DNAH9: variants seen among roughly 807,000 people sequenced by gnomAD.
DNAH9 encodes dynein axonemal heavy chain 9, also known as DNAH9 variant protein.
DNAH9 carries 345 observed loss-of-function variants against 471.6 expected under a neutral mutation model. The ratio of observed to expected loss-of-function variants is 0.73; its 90% CI spans 0.67 to 0.80. The LOEUF (loss-of-function observed/expected upper bound fraction) is 0.80, where lower values mean the gene tolerates loss of function less well. Ranked by LOEUF, DNAH9 falls within the 30% of genes least tolerant of loss-of-function variation. DNAH9 has a pLI of 0.00. For missense variants in DNAH9, 5,407 were observed against 5,609.2 expected, an observed-to-expected ratio of 0.96 and a Z score of 1.15; for synonymous variants, 2,093 against 2,123.6, an observed-to-expected ratio of 0.99 and a Z score of 0.40.
intron 61 of DNAH9, among the ~76,000 whole-genome samples, chr17:11,913,781 C>CA (rs202156734): frequency 0.013 from 1,409 of 110,300 alleles, 3 homozygotes; most frequent in African/African-American, 0.019. Flanking sequence ...GACCCCGTCT[C>CA]AAAAAAAAAA....
At chr17:11,866,065 T>C (rs1223996583) in intron 50 of DNAH9, among the ~76,000 whole-genome samples, 2 of 152,244 alleles carry the variant, frequency 1.3e-5, no homozygotes, top group Non-Finnish European at 2.9e-5. Flanking sequence ...GGTGAGGAAC[T>C]GTGATCCTTT....
At chr17:11,684,619 A>G (rs959717328) in intron 19 of DNAH9, among the ~76,000 whole-genome samples, 7 of 152,164 alleles carry the variant, frequency 4.6e-5, no homozygotes, top group African/African-American at 1.7e-4. Flanking sequence ...ACCAAGACCA[A>G]GGTAATCGAG....
chr17:11,742,139 G>C (rs567949062), intron 29 of DNAH9, 36 bp from the exon 30 acceptor site: 1 of 1,610,480 alleles, frequency 6.2e-7, no homozygotes, highest in African/African-American at 1.3e-5. Flanking sequence ...ACTGTACTTG[G>C]GAAACTGACT....
chr17:11,936,533 G>A (rs1042639955), intron 65 of DNAH9, among the ~76,000 whole-genome samples: 1 of 152,164 alleles, frequency 6.6e-6, no homozygotes, highest in Non-Finnish European at 1.5e-5. Context: ...CTACTTGGGA[G>A]ACTGAGGTGG....
At chr17:11,828,365 C>T (rs539824960) in intron 48 of DNAH9, among the ~76,000 whole-genome samples, 13 of 151,298 alleles carry the variant, frequency 8.6e-5, no homozygotes, top group Non-Finnish European at 1.0e-4. Context: ...CCCAGCTACT[C>T]GGGAGGCTTA....
At chr17:11,694,479 A>G (rs981251322) in intron 22 of DNAH9, 32 bp downstream of exon 22, 5 of 1,612,378 alleles carry the variant, frequency 3.1e-6, no homozygotes, top group Non-Finnish European at 4.2e-6. Context: ...AGAAAGGTCT[A>G]GGAGGGCTGA....
intron 41 of DNAH9, among the ~76,000 whole-genome samples, chr17:11,792,434 G>A (rs1267567586): frequency 1.3e-5 from 2 of 152,198 alleles, no homozygotes; most frequent in Non-Finnish European, 2.9e-5. Context: ...ATGAGAACAA[G>A]CACAGACATA....
intron 67 of DNAH9, among the ~76,000 whole-genome samples, chr17:11,959,950 TTTTTATGTC>T (rs1257373250): frequency 8.5e-5 from 13 of 152,168 alleles, no homozygotes; most frequent in Admixed American, 5.2e-4. Flanking sequence ...AACATTGAGG[TTTTTATGTC>T]TTAAAATAGT....
At chr17:11,812,072 T>A (rs1336898610) in intron 45 of DNAH9, among the ~76,000 whole-genome samples, 1 of 113,038 alleles carries the variant, frequency 8.8e-6, no homozygotes, top group Non-Finnish European at 1.8e-5. Context: ...CATACACACA[T>A]ACATCCAAGA....
intron 9 of DNAH9, among the ~76,000 whole-genome samples, chr17:11,639,847 C>T (rs1245500633): frequency 6.6e-6 from 1 of 152,094 alleles, no homozygotes; most frequent in African/African-American, 2.4e-5. Flanking sequence ...ACTACAAATA[C>T]GAAAATTAGC....
chr17:11,735,225 G>C (rs1192598636), intron 28 of DNAH9, among the ~76,000 whole-genome samples: 1 of 152,060 alleles, frequency 6.6e-6, no homozygotes, highest in African/African-American at 2.4e-5. Context: ...GTTTTGTGAA[G>C]ATCTATCCTC....
chr17:11,713,025 A>T (rs1340415707), intron 26 of DNAH9, among the ~76,000 whole-genome samples: 3 of 152,050 alleles, frequency 2.0e-5, no homozygotes, highest in Non-Finnish European at 4.4e-5. Flanking sequence ...AGTGCCCATT[A>T]GTTATCTTTT....
chr17:11,844,999 CT>C (rs1027183588), intron 49 of DNAH9, among the ~76,000 whole-genome samples: 4,251 of 144,758 alleles, frequency 0.029, 175 homozygotes, highest in African/African-American at 0.097. Context: ...TTTTTACCAT[CT>C]TTTTTTTTTT....
chr17:11,753,289 C>T (rs1967234231), intron 33 of DNAH9, among the ~76,000 whole-genome samples: 1 of 152,178 alleles, frequency 6.6e-6, no homozygotes, highest in South Asian at 2.1e-4. Flanking sequence ...TTTTTATGCT[C>T]TTCTAGAATA....
chr17:11,699,728 T>C lies in DNAH9; in HGVS notation c.4873-3T>C, dbSNP rs148491304. ...GATCCATTGGCCTGGTTTCCCTTCA[T>C]AGGTTCAACGTCACCTTTCCAAACT... On this transcript the variant is annotated splice_polypyrimidine_tract_variant and splice_region_variant and intron_variant, in intron 22 of 68. Coordinates refer to ENST00000262442, the MANE Select transcript of DNAH9 (RefSeq NM_001372.4). 3.9e-4 allele frequency: 631 copies of C among 1,614,096 alleles called. 11 individuals are homozygous for C. The East Asian group carries it at 0.014, about 35-fold the overall frequency.
chr17:11,923,927 T>C lies in DNAH9; in HGVS notation c.11863T>C (p.Trp3955Arg). The change falls in exon 62 of 69, where the codon TGG becomes CGG. Residue 3955 changes from tryptophan to arginine, a missense_variant. Physicochemically the swap from Trp to Arg is moderately radical, Grantham distance 101. This residue lies in a region of DNAH9 where 4,636 missense variants were observed against 4,900.3 expected (regional missense o/e 0.95). Transcript: ENST00000262442. Reference protein sequence around the residue: ...ALDLAAKKGHWVILQNIHLVA... With the variant: ...ALDLAAKKGHRVILQNIHLVA... ...GGACCTCGCTGCCAAGAAAGGTCAC[T>C]GGGTTATTTTGCAGGTATGTTCCTC... is the stretch of plus-strand genomic sequence containing the variant. 1 of 1,613,994 alleles carries C rather than the reference T, an allele frequency of 6.2e-7. No individual in the cohort carries two copies. Among genetic ancestry groups the C allele is most frequent in the Non-Finnish European group, 8.5e-7 (1 of 1,179,890 alleles).
chr17:11,623,013 G>A lies in DNAH9; in HGVS notation c.1350+3232G>A, dbSNP rs1567671629. 1.6e-5 allele frequency among the ~76,000 whole-genome samples: 2 copies of A among 121,568 alleles called. No individual in the cohort carries two copies. The highest frequency in any genetic ancestry group is 6.2e-5 in the African/African-American group (2 of 32,076). The allele number at this position is 121,568 out of a possible 152,430, so 79.8% of individuals were successfully genotyped here. A position where few individuals can be genotyped will look rare whatever the true frequency, so the allele number is the denominator to read the frequency against. ...CTCGAGATGGAGTTTTGCTCTTGTT[G>A]CCCAGGCTGGAGTGCAGTGGCACAA... On this transcript the variant is annotated intron_variant, in intron 6 of 68. Coordinates refer to ENST00000262442, the MANE Select transcript of DNAH9 (RefSeq NM_001372.4). The surrounding 1 kb of genome is among the most constrained non-coding windows in gnomAD (Gnocchi z 4.1).
intron 50 of DNAH9, among the ~76,000 whole-genome samples, chr17:11,864,088 T>C (rs1227502582): frequency 6.6e-6 from 1 of 151,084 alleles, no homozygotes; most frequent in African/African-American, 2.4e-5. Flanking sequence ...TGCTCTTGCT[T>C]TTCTAGTTCT....
In DNAH9 at chr17:11,719,455, T is replaced by C. The variant is rs745675045; in HGVS notation, c.5674T>C (p.Tyr1892His). The change falls in exon 27 of 69, where the codon TAT becomes CAT. Residue 1892 changes from tyrosine (Y) to histidine (H), a missense_variant. Physicochemically the swap from Tyr to His is moderately conservative, Grantham distance 83. Coordinates refer to ENST00000262442, the MANE Select transcript of DNAH9 (RefSeq NM_001372.4). Reference protein sequence around the residue: ...DLGRALGILVYVFNCSEQMDY... With the variant: ...DLGRALGILVHVFNCSEQMDY... ...GGGCCGCGCACTGGGCATCCTGGTCTATGTGTTCAACTGCTCGGAGCAGAT... is the reference window on the plus strand; with the variant it reads ...GGGCCGCGCACTGGGCATCCTGGTCCATGTGTTCAACTGCTCGGAGCAGAT... The C allele has an allele frequency of 1.2e-6, 2 of 1,613,782 alleles. No homozygotes were observed. The highest frequency in any genetic ancestry group is 2.2e-5 in the South Asian group (2 of 91,046).
Sources: gnomAD v4.1 joint callset for allele counts (sites outside exome capture counted in the v4.1 genomes callset) on GRCh38, gnomAD v4.1.1 for gene constraint, gnomAD v4.1.1 regional missense constraint, Gnocchi (gnomAD v3.1) non-coding constraint, MANE v1.5 for transcripts, NCBI Gene and HGNC (gene_info 2026-07-23, HGNC 2026-07-21) for gene names.